Variants in TERF2 observed in about 807,000 individuals in gnomAD.
The protein encoded by TERF2 is telomeric repeat binding factor 2, also known as telomeric repeat-binding factor 2.
A neutral mutation model predicts 56.1 loss-of-function variants in TERF2; 16 were observed. That is an observed-to-expected ratio of 0.29 (90% CI 0.19 to 0.43). The LOEUF is 0.43. TERF2 is among the 20% of genes least tolerant of loss of function. The probability of loss-of-function intolerance (pLI) is 1.00; values close to 1 mark genes in which losing one functional copy is unlikely to be tolerated. For missense variants in TERF2, 547 were observed against 712.9 expected (o/e 0.77, Z 2.65); for synonymous variants, 296 against 282.1 (o/e 1.05, Z -0.50).
intron 3 of TERF2, among the ~76,000 whole-genome samples, chr16:69,383,731 T>C (rs1224478235): frequency 2.0e-5 from 3 of 152,228 alleles, no homozygotes; most frequent in Non-Finnish European, 2.9e-5. Context: ...AGGTTTTCCT[T>C]GTGAAGCAAG....
chr16:69,365,315 A>C (rs2013300085), intron 7 of TERF2: 1 of 152,190 alleles, frequency 6.6e-6, no homozygotes, highest in Non-Finnish European at 1.5e-5. Context: ...TTCTACATAC[A>C]AGTAGTGGTG....
At chr16:69,376,651 G>C (rs1428293608) in intron 3 of TERF2, among the ~76,000 whole-genome samples, 1 of 144,546 alleles carries the variant, frequency 6.9e-6, no homozygotes, top group African/African-American at 2.6e-5. Context: ...TTCAAGACCA[G>C]ACTGTGCAAT....
At chr16:69,370,994 TACACACACAC>T (rs113222809) in intron 4 of TERF2, among the ~76,000 whole-genome samples, 1 of 147,678 alleles carries the variant, frequency 6.8e-6, no homozygotes, top group Non-Finnish European at 1.5e-5. Flanking sequence ...TGGATGTCTG[TACACACACAC>T]ACACACACAC....
intron 9 of TERF2, 64 bp downstream of exon 9, chr16:69,357,454 G>C (rs1339463589): frequency 1.6e-5 from 23 of 1,396,212 alleles, no homozygotes; most frequent in Non-Finnish European, 2.1e-5. Flanking sequence ...CTGTGAGACA[G>C]GGCGCGTATT....
chr16:69,362,169 C>T (rs1320796404), intron 7 of TERF2, among the ~76,000 whole-genome samples: 1 of 151,938 alleles, frequency 6.6e-6, no homozygotes, highest in Non-Finnish European at 1.5e-5. Context: ...ACAGCACAGC[C>T]ACACTGTTCT....
At chr16:69,375,646 G>T (rs2013751276) in intron 3 of TERF2, among the ~76,000 whole-genome samples, 2 of 151,842 alleles carry the variant, frequency 1.3e-5, no homozygotes, top group African/African-American at 4.8e-5. Flanking sequence ...CTTGAGATAG[G>T]GTCTATATCA....
In TERF2 at chr16:69,376,862, T is replaced by TG. The variant is rs1447218409; in HGVS notation, c.607-4508dup. Among the ~76,000 whole-genome samples the TG allele has an allele frequency of 1.2e-4, 5 of 40,198 alleles. No individual in the cohort carries two copies. The East Asian group carries it at 2.0e-3, about 16-fold the overall frequency. The allele number at this position is 40,198 out of a possible 152,430, so 26.4% of individuals were successfully genotyped here. A position where few individuals can be genotyped will look rare whatever the true frequency, so the allele number is the denominator to read the frequency against. ...GTGACAGAGCGAGACCTTGTCACATTGAAAAAAAAAAAAAAAAACTGAGAA... is the reference window on the plus strand; with the variant it reads ...GTGACAGAGCGAGACCTTGTCACATTGGAAAAAAAAAAAAAAAAACTGAGAA... On this transcript the variant is annotated intron_variant, in intron 3 of 9. Coordinates refer to ENST00000254942, the MANE Select transcript of TERF2 (RefSeq NM_005652.5).
At chr16:69,368,194 C>T (rs985489578) in intron 6 of TERF2, among the ~76,000 whole-genome samples, 182 bp downstream of exon 6, 36 of 152,204 alleles carry the variant, frequency 2.4e-4, no homozygotes, top group Non-Finnish European at 4.4e-4. Context: ...TCAGGGACCC[C>T]AGGCATCCTG....
chr16:69,380,621 T>C (rs1176263709), intron 3 of TERF2, among the ~76,000 whole-genome samples: 3 of 148,510 alleles, frequency 2.0e-5, no homozygotes, highest in African/African-American at 7.5e-5. Flanking sequence ...CACGCCACTA[T>C]ACTCCAGCCT....
At chr16:69,367,351 G>T in intron 6 of TERF2, 152 bp from the exon 7 acceptor site, 1 of 851,012 alleles carries the variant, frequency 1.2e-6, no homozygotes, top group Non-Finnish European at 1.8e-6. Flanking sequence ...AAAACTCCAA[G>T]TTAGAGAACC....
chr16:69,367,732 C>G (rs1335694894), intron 6 of TERF2, among the ~76,000 whole-genome samples: 3 of 152,170 alleles, frequency 2.0e-5, no homozygotes, highest in Non-Finnish European at 4.4e-5. Flanking sequence ...CAGGCCAAAT[C>G]CATCTGGCAG....
intron 7 of TERF2, among the ~76,000 whole-genome samples, chr16:69,362,866 G>T (rs888814229): frequency 5.3e-5 from 8 of 152,044 alleles, no homozygotes; most frequent in African/African-American, 1.9e-4. Flanking sequence ...CAAGAATAGA[G>T]ACAAATTTCT....
At chr16:69,369,242 G>A (rs1305249879) in intron 5 of TERF2, among the ~76,000 whole-genome samples, 2 of 152,106 alleles carry the variant, frequency 1.3e-5, no homozygotes, top group East Asian at 3.9e-4. Context: ...TAAATAATCT[G>A]AGATTTGCCA....
intron 8 of TERF2, among the ~76,000 whole-genome samples, chr16:69,359,624 C>A (rs1219404856): frequency 1.4e-5 from 2 of 142,550 alleles, no homozygotes; most frequent in East Asian, 4.0e-4. Context: ...ACTATCATTC[C>A]CAATTTTTTT....
Position 69,384,586 on chromosome 16 carries a change from C to T in TERF2, c.600G>A (p.Lys200=). The T allele has an allele frequency of 6.2e-7, 1 of 1,613,024 alleles. No individual in the cohort carries two copies. The highest frequency in any genetic ancestry group is 8.5e-7 in the Non-Finnish European group (1 of 1,179,772). The change falls in exon 3 of 10, where the codon AAG becomes AAA. Residue 200 remains lysine, a synonymous_variant. Coordinates refer to ENST00000254942, the MANE Select transcript of TERF2 (RefSeq NM_005652.5). ...AVVESSRKLV[K]EAAVIICIKN... is the part of the protein sequence containing the mutation. ...TATAAAAATAGAGCCTTACAGCTTC[C>T]TTGACCAGTTTTCTACTGGATTCGA...
intron 3 of TERF2, among the ~76,000 whole-genome samples, chr16:69,380,959 G>T (rs1466646276): frequency 6.6e-6 from 1 of 151,318 alleles, no homozygotes; most frequent in Non-Finnish European, 1.5e-5. Context: ...CCACCACCAC[G>T]CCTGGCTAAT....
Position 69,385,580 on chromosome 16 carries a change from G to A in TERF2, c.379+13C>T. The stretch of plus-strand genomic sequence containing the variant: ...CCGGCGCTCCAACCCCCCTCCCCCG[G>A]CCCGGCCCTCACCCTGCATGATGTC... On this transcript the variant is annotated intron_variant, in intron 1 of 9. Coordinates refer to ENST00000254942, the MANE Select transcript of TERF2 (RefSeq NM_005652.5). The A allele has an allele frequency of 2.1e-6, 3 of 1,410,442 alleles. No individual in the cohort carries two copies. Among genetic ancestry groups the A allele is most frequent in the Admixed American group, 3.7e-5 (2 of 54,700 alleles). The allele number at this position is 1,410,442 out of a possible 1,614,324, so 87.4% of individuals were successfully genotyped here. A position where few individuals can be genotyped will look rare whatever the true frequency, so the allele number is the denominator to read the frequency against.
chr16:69,375,506 A>T (rs8053736), intron 3 of TERF2, among the ~76,000 whole-genome samples: 4 of 152,076 alleles, frequency 2.6e-5, no homozygotes, highest in Non-Finnish European at 5.9e-5. Flanking sequence ...CAAGTCCAGC[A>T]TGGGCAACAG....
At chr16:69,367,291 T>C in intron 6 of TERF2, 92 bp from the exon 7 acceptor site, 1 of 1,392,348 alleles carries the variant, frequency 7.2e-7, no homozygotes, top group Non-Finnish European at 9.6e-7. Context: ...AAGCTTCAAA[T>C]TCCAGTTGAG....
Sources: gnomAD v4.1 joint callset for allele counts (sites outside exome capture counted in the v4.1 genomes callset) on GRCh38, gnomAD v4.1.1 for gene constraint, MANE v1.5 for transcripts, NCBI Gene and HGNC (gene_info 2026-07-23, HGNC 2026-07-21) for gene names.